Variants in NEMP2 observed in about 807,000 individuals in gnomAD.
NEMP2 encodes the protein nuclear envelope integral membrane protein 2, also known as UPF0571 transmembrane protein.
In NEMP2, 53 loss-of-function variants were observed where a neutral mutation model predicts 54.2. The ratio of observed to expected loss-of-function variants is 0.98; its 90% confidence interval spans 0.78 to 1.23. The LOEUF (loss-of-function observed/expected upper bound fraction) is 1.23, where lower values mean the gene tolerates loss of function less well. Ranked by LOEUF, NEMP2 falls within the 50% of genes most tolerant of loss-of-function variation. The pLI, the probability that NEMP2 is intolerant of heterozygous loss-of-function variation, is 0.00. For missense variants in NEMP2, 455 were observed against 511.3 expected (o/e 0.89, Z 1.06); for synonymous variants, 197 against 190.3 (o/e 1.04, Z -0.29).
At chr2:190,433,422 G>A in the NEMP2 span, 1 of 152,176 alleles carries the variant, frequency 6.6e-6, no homozygotes, top group Admixed American at 6.5e-5. The surrounding 1 kb of genome is among the most constrained non-coding windows in gnomAD (Gnocchi z 4.5). Context: ...GTCATGTATA[G>A]CTAAGCAGCA....
the NEMP2 span, among the ~76,000 whole-genome samples, chr2:190,485,895 T>G: frequency 6.6e-6 from 1 of 152,162 alleles, no homozygotes; most frequent in Non-Finnish European, 1.5e-5. The surrounding 1 kb of genome is among the most constrained non-coding windows in gnomAD (Gnocchi z 5.1). Flanking sequence ...CTGTGAGGCA[T>G]ACAATCTAAT....
At chr2:190,604,048 C>A in the NEMP2 span, among the ~76,000 whole-genome samples, 2 of 152,122 alleles carry the variant, frequency 1.3e-5, no homozygotes, top group Non-Finnish European at 2.9e-5. This position sits in a 1 kb window ranked among gnomAD's most constrained non-coding sequence, Gnocchi z 4.5. Context: ...TCATTTACTT[C>A]TTTCTCTATT....
At chr2:190,560,432 T>C in the NEMP2 span, among the ~76,000 whole-genome samples, 8 of 152,250 alleles carry the variant, frequency 5.3e-5, no homozygotes, top group South Asian at 1.7e-3. This position sits in a 1 kb window ranked among gnomAD's most constrained non-coding sequence, Gnocchi z 5.4. Flanking sequence ...ACAATTTCTA[T>C]ATCTACTCAT....
At chr2:190,449,288 A>G in the NEMP2 span, among the ~76,000 whole-genome samples, 1 of 152,160 alleles carries the variant, frequency 6.6e-6, no homozygotes, top group East Asian at 1.9e-4. Flanking sequence ...AGCCTGGTCA[A>G]CATGGTGAAA....
At chr2:190,472,363 T>C in the NEMP2 span, among the ~76,000 whole-genome samples, 2 of 152,136 alleles carry the variant, frequency 1.3e-5, no homozygotes. Context: ...AATGGCTAAC[T>C]ACAATAACCA....
chr2:190,577,958 C>A, the NEMP2 span, among the ~76,000 whole-genome samples: 1 of 152,164 alleles, frequency 6.6e-6, no homozygotes, highest in South Asian at 2.1e-4. This position sits in a 1 kb window ranked among gnomAD's most constrained non-coding sequence, Gnocchi z 4.8. Context: ...CCAATACATT[C>A]TATATTTTAT....
In NEMP2 at chr2:190,512,788, CAA is replaced by C; in HGVS notation, c.953+1663_953+1664del. Among the ~76,000 whole-genome samples, 1 of 152,304 alleles carries C rather than the reference CAA, an allele frequency of 6.6e-6. No individual in the cohort carries two copies. The highest frequency in any genetic ancestry group is 1.9e-4 in the East Asian group (1 of 5,186). On this transcript the variant is annotated intron_variant, in intron 7 of 8. Transcript: ENST00000409150. The surrounding 1 kb of genome is among the most constrained non-coding windows in gnomAD (Gnocchi z 4.5). ...CACTGTTTGCCTCGGGCAGATGGGG[CAA>C]AGAGAGACCCAGTCAGCATCAACCC... is the stretch of plus-strand genomic sequence containing the variant.
At chr2:190,617,754 T>C in the NEMP2 span, among the ~76,000 whole-genome samples, 1 of 152,242 alleles carries the variant, frequency 6.6e-6, no homozygotes, top group Non-Finnish European at 1.5e-5. This position sits in a 1 kb window ranked among gnomAD's most constrained non-coding sequence, Gnocchi z 5.0. Flanking sequence ...ATATTCCCTT[T>C]GGGCTAAAGC....
chr2:190,643,849 T>C, the NEMP2 span, among the ~76,000 whole-genome samples: 1 of 152,060 alleles, frequency 6.6e-6, no homozygotes, highest in African/African-American at 2.4e-5. Flanking sequence ...GACTGGAGCC[T>C]GGGAGGTTGA....
rs1287808240 is a variant in NEMP2 at position 190,533,943 on chromosome 2, A to G, written c.97+616T>C. The G allele has an allele frequency of 3.1e-6, 3 of 982,302 alleles. No individual in the cohort carries two copies. In the African/African-American group the frequency reaches 5.2e-5, roughly 17 times the overall value. The allele number at this position is 982,302 out of a possible 1,614,324, so 60.8% of individuals were successfully genotyped here. On this transcript the variant is annotated intron_variant, in intron 1 of 8. Transcript: ENST00000409150. This position sits in a 1 kb window ranked among gnomAD's most constrained non-coding sequence, Gnocchi z 4.3. ...GCCCCTACAGCTAGCAGCCGCTACC[A>G]GTTCTTGCTTCCTGTGTGCCAGGCA... is the stretch of plus-strand genomic sequence containing the variant.
At chr2:190,573,366 T>C in the NEMP2 span, among the ~76,000 whole-genome samples, 3 of 152,210 alleles carry the variant, frequency 2.0e-5, no homozygotes, top group African/African-American at 7.2e-5. Flanking sequence ...AGATATGACC[T>C]TGGGACTTGC....
At chr2:190,429,611 A>G in the NEMP2 span, among the ~76,000 whole-genome samples, 1 of 152,176 alleles carries the variant, frequency 6.6e-6, no homozygotes, top group South Asian at 2.1e-4. Context: ...TACTGCACCT[A>G]GCCAGAAATT....
chr2:190,463,764 G>A, the NEMP2 span: 1 of 521,860 alleles, frequency 1.9e-6, no homozygotes, highest in Non-Finnish European at 2.5e-6. The surrounding 1 kb of genome is among the most constrained non-coding windows in gnomAD (Gnocchi z 4.4). Flanking sequence ...AGGCTGCATT[G>A]AGCTGTGATG....
chr2:190,487,209 C>G, the NEMP2 span, among the ~76,000 whole-genome samples: 25,763 of 151,548 alleles, frequency 0.17, 2,347 homozygotes, highest in East Asian at 0.3. The surrounding 1 kb of genome is among the most constrained non-coding windows in gnomAD (Gnocchi z 5.5). Context: ...GGGGTGGTGG[C>G]GGGCACTTGT....
chr2:190,423,933 C>T, the NEMP2 span, among the ~76,000 whole-genome samples: 1 of 152,112 alleles, frequency 6.6e-6, no homozygotes, highest in African/African-American at 2.4e-5. This position sits in a 1 kb window ranked among gnomAD's most constrained non-coding sequence, Gnocchi z 4.3. Context: ...TTTATATATC[C>T]TGTCTATCCT....
At chr2:190,517,090 CAAAAAAAAAAAAA>C (rs56324449) in intron 5 of NEMP2, among the ~76,000 whole-genome samples, 16 of 89,402 alleles carry the variant, frequency 1.8e-4, no homozygotes, top group Non-Finnish European at 2.1e-5. Context: ...GACTGTGTCT[CAAAAAAAAAAAAA>C]AAAAAAAAGA....
chr2:190,552,560 G>A, the NEMP2 span, among the ~76,000 whole-genome samples: 1 of 151,990 alleles, frequency 6.6e-6, no homozygotes, highest in African/African-American at 2.4e-5. Flanking sequence ...ATCTCTACCA[G>A]TGAAAGAAAA....
the NEMP2 span, among the ~76,000 whole-genome samples, chr2:190,458,632 T>C: frequency 6.6e-6 from 1 of 152,226 alleles, no homozygotes; most frequent in East Asian, 1.9e-4. The surrounding 1 kb of genome is among the most constrained non-coding windows in gnomAD (Gnocchi z 5.3). Context: ...TATTAGCCTT[T>C]GCTTGACCGT....
At chr2:190,623,835 A>C in the NEMP2 span, among the ~76,000 whole-genome samples, 1 of 152,220 alleles carries the variant, frequency 6.6e-6, no homozygotes, top group African/African-American at 2.4e-5. Context: ...AGTTTTAAAA[A>C]AACACAAAAC....
Sources: gnomAD v4.1 joint callset for allele counts (sites outside exome capture counted in the v4.1 genomes callset) on GRCh38, gnomAD v4.1.1 for gene constraint, Gnocchi (gnomAD v3.1) non-coding constraint, MANE v1.5 for transcripts, NCBI Gene and HGNC (gene_info 2026-07-23, HGNC 2026-07-21) for gene names.